KHDRBS3: variants seen among roughly 807,000 people sequenced by gnomAD.
KHDRBS3 encodes the protein KH domain-containing, RNA-binding, signal transduction-associated protein 3.
A neutral mutation model predicts 45.6 loss-of-function variants in KHDRBS3; 23 were observed. That is an observed-to-expected ratio of 0.50 (90% CI 0.36 to 0.72). The LOEUF (loss-of-function observed/expected upper bound fraction) is 0.72, where lower values mean the gene tolerates loss of function less well. KHDRBS3 is among the 30% of genes least tolerant of loss of function. KHDRBS3 has a pLI of 0.00. For missense variants in KHDRBS3, 352 were observed against 424.8 expected (o/e 0.83, Z 1.51); for synonymous variants, 162 against 156.5 (o/e 1.04, Z -0.26).
chr8:135,570,934 G>A (rs1827672904), intron 5 of KHDRBS3, among the ~76,000 whole-genome samples: 2 of 152,208 alleles, frequency 1.3e-5, no homozygotes, highest in Admixed American at 1.3e-4. Context: ...ATGAAGGGGA[G>A]ACAAAAAGCG....
intron 7 of KHDRBS3, among the ~76,000 whole-genome samples, chr8:135,639,192 G>A (rs1334638263): frequency 6.6e-6 from 1 of 152,136 alleles, no homozygotes; most frequent in African/African-American, 2.4e-5. Flanking sequence ...TTTAAGAGGA[G>A]TAATGGTGGT....
intron 3 of KHDRBS3, among the ~76,000 whole-genome samples, chr8:135,545,341 A>G (rs1826240568): frequency 6.6e-6 from 1 of 152,208 alleles, no homozygotes; most frequent in Non-Finnish European, 1.5e-5. Flanking sequence ...TGTAAGCAAC[A>G]TGGGAAAAAC....
chr8:135,627,891 T>A (rs1830442825), intron 7 of KHDRBS3, among the ~76,000 whole-genome samples: 1 of 152,108 alleles, frequency 6.6e-6, no homozygotes, highest in African/African-American at 2.4e-5. Context: ...AATTAGATGG[T>A]AGTGAAAAAC....
intron 6 of KHDRBS3, among the ~76,000 whole-genome samples, chr8:135,601,487 G>A (rs1829209844): frequency 6.6e-6 from 1 of 152,160 alleles, no homozygotes. Context: ...CCAGAGACTT[G>A]CAGGAAACAG....
At position 135,545,720 on chromosome 8, in the gene KHDRBS3, T is replaced by G. The variant is rs974190930; in HGVS notation, c.324+2950T>G. Among the ~76,000 whole-genome samples, 13 of 152,190 alleles carry G rather than the reference T, an allele frequency of 8.5e-5. 1 individual carries two copies. The highest frequency in any genetic ancestry group is 8.5e-4 in the Admixed American group (13 of 15,278). On this transcript the variant is annotated intron_variant, in intron 3 of 8. Coordinates refer to ENST00000355849, the MANE Select transcript of KHDRBS3 (RefSeq NM_006558.3). ...TTGTCTATCTCTTGTCCACCTGTACTCCTCTCCCCATTTTTGTCCCATACT... is the reference window on the plus strand; with the variant it reads ...TTGTCTATCTCTTGTCCACCTGTACGCCTCTCCCCATTTTTGTCCCATACT...
At chr8:135,601,521 G>C (rs1036568349) in intron 6 of KHDRBS3, among the ~76,000 whole-genome samples, 4 of 152,218 alleles carry the variant, frequency 2.6e-5, no homozygotes, top group African/African-American at 9.6e-5. Context: ...AATAGTCATT[G>C]CATGGGAGGC....
At chr8:135,599,686 G>A (rs1829119768) in intron 6 of KHDRBS3, among the ~76,000 whole-genome samples, 1 of 152,218 alleles carries the variant, frequency 6.6e-6, no homozygotes, top group Admixed American at 6.5e-5. Context: ...TTACAGACTA[G>A]TGAGAGGAGA....
intron 1 of KHDRBS3, among the ~76,000 whole-genome samples, chr8:135,472,867 G>T (rs917937611): frequency 1.3e-5 from 2 of 152,114 alleles, no homozygotes; most frequent in Non-Finnish European, 2.9e-5. Flanking sequence ...GGAGTGTGTG[G>T]AATCAAAAGG....
intron 1 of KHDRBS3, among the ~76,000 whole-genome samples, chr8:135,473,368 G>A (rs973510454): frequency 3.9e-5 from 6 of 152,078 alleles, no homozygotes; most frequent in African/African-American, 7.2e-5. Context: ...TGCTGCTTTC[G>A]TTCTGAATGT....
chr8:135,608,633 C>T (rs947031752), intron 7 of KHDRBS3, among the ~76,000 whole-genome samples: 2 of 152,182 alleles, frequency 1.3e-5, no homozygotes, highest in Non-Finnish European at 2.9e-5. Flanking sequence ...GCTCACTGCA[C>T]ATTTCTGTTA....
At chr8:135,483,152 C>T (rs541796378) in intron 1 of KHDRBS3, among the ~76,000 whole-genome samples, 2 of 152,148 alleles carry the variant, frequency 1.3e-5, no homozygotes, top group African/African-American at 4.8e-5. Context: ...GAAGGGTTTT[C>T]TCTATCGAAT....
intron 6 of KHDRBS3, among the ~76,000 whole-genome samples, chr8:135,597,558 C>T (rs972957048): frequency 6.6e-6 from 1 of 152,082 alleles, no homozygotes; most frequent in African/African-American, 2.4e-5. Flanking sequence ...TCTCAAACCT[C>T]CCCAACACTC....
At chr8:135,505,026 G>A (rs1049996539) in intron 1 of KHDRBS3, among the ~76,000 whole-genome samples, 2 of 152,166 alleles carry the variant, frequency 1.3e-5, no homozygotes, top group Admixed American at 1.3e-4. Flanking sequence ...GCAGCTCAAA[G>A]AGATGCTGCA....
chr8:135,513,259 T>C (rs536920761), intron 1 of KHDRBS3, among the ~76,000 whole-genome samples: 28 of 151,964 alleles, frequency 1.8e-4, no homozygotes. Flanking sequence ...TCAAGAGATA[T>C]AAAGTTAAAT....
chr8:135,643,702 C>T (rs900474013), intron 7 of KHDRBS3, among the ~76,000 whole-genome samples: 1 of 152,240 alleles, frequency 6.6e-6, no homozygotes, highest in African/African-American at 2.4e-5. Context: ...GGGGGAAAAA[C>T]TCCGTGTGGT....
At chr8:135,622,981 C>A (rs1372560841) in intron 7 of KHDRBS3, among the ~76,000 whole-genome samples, 1 of 152,204 alleles carries the variant, frequency 6.6e-6, no homozygotes, top group African/African-American at 2.4e-5. Context: ...TCTGTGACCC[C>A]TTTTCTACTC....
chr8:135,588,710 AT>A, intron 6 of KHDRBS3, among the ~76,000 whole-genome samples: 1 of 152,306 alleles, frequency 6.6e-6, no homozygotes, highest in South Asian at 2.1e-4. Context: ...CACTTAGAGA[AT>A]TCCAGGGGTT....
intron 5 of KHDRBS3, among the ~76,000 whole-genome samples, chr8:135,559,338 T>G (rs1827054476): frequency 6.6e-6 from 1 of 152,144 alleles, no homozygotes. Context: ...ACAAAATATA[T>G]TTTATTTTAT....
At chr8:135,635,142 A>G (rs537439112) in intron 7 of KHDRBS3, among the ~76,000 whole-genome samples, 6 of 152,246 alleles carry the variant, frequency 3.9e-5, no homozygotes, top group African/African-American at 1.4e-4. Context: ...ATTAAATGTA[A>G]CAGTCAACCC....
Sources: gnomAD v4.1 joint callset for allele counts (sites outside exome capture counted in the v4.1 genomes callset) on GRCh38, gnomAD v4.1.1 for gene constraint, MANE v1.5 for transcripts, NCBI Gene and HGNC (gene_info 2026-07-23, HGNC 2026-07-21) for gene names.